The following ZGRF1 variants were observed in gnomAD, a reference collection of about 807,000 sequenced individuals.
ZGRF1 encodes zinc finger GRF-type containing 1.
A neutral mutation model predicts 203.5 loss-of-function variants in ZGRF1; 196 were observed. That is an observed-to-expected ratio of 0.96 (90% confidence interval 0.86 to 1.08). The LOEUF is 1.08. Among genes scored for constraint, ZGRF1 ranks in the 50% least tolerant of loss-of-function variants. The pLI is 0.00. For missense variants in ZGRF1, 2,326 were observed against 2,416.3 expected (o/e 0.96, Z 0.78); for synonymous variants, 809 against 841.3 (o/e 0.96, Z 0.66).
intron 16 of ZGRF1, among the ~76,000 whole-genome samples, chr4:112,570,148 T>C (rs1743942313): frequency 6.6e-6 from 1 of 152,228 alleles, no homozygotes; most frequent in Admixed American, 6.5e-5. Flanking sequence ...ATAGAAGATC[T>C]GGACAAGACA....
chr4:112,590,140 T>G (rs1201116795), intron 10 of ZGRF1, among the ~76,000 whole-genome samples: 1 of 152,180 alleles, frequency 6.6e-6, no homozygotes, highest in South Asian at 2.1e-4. Flanking sequence ...CTGGTCTGGG[T>G]TATTAGGCTT....
intron 16 of ZGRF1, among the ~76,000 whole-genome samples, chr4:112,575,660 C>T (rs1745055705): frequency 1.3e-5 from 2 of 152,176 alleles, no homozygotes; most frequent in Non-Finnish European, 1.5e-5. Context: ...GGTCCTACAC[C>T]CACGGAGCCT....
intron 16 of ZGRF1, among the ~76,000 whole-genome samples, chr4:112,575,108 G>T (rs1191791865): frequency 1.3e-5 from 2 of 151,480 alleles, no homozygotes; most frequent in Non-Finnish European, 2.9e-5. Flanking sequence ...GGGGTTCAAT[G>T]TTGCCAAATT....
chr4:112,633,081 G>A (rs2047464926), intron 2 of ZGRF1, 75 bp downstream of exon 2: 1 of 1,329,700 alleles, frequency 7.5e-7, no homozygotes, highest in Non-Finnish European at 1.1e-6. Flanking sequence ...ACAGCAAGAT[G>A]TTTGTGAAAC....
intron 6 of ZGRF1, among the ~76,000 whole-genome samples, chr4:112,615,608 AT>A (rs1408148911): frequency 2.7e-5 from 4 of 147,808 alleles, no homozygotes; most frequent in Non-Finnish European, 6.0e-5. Flanking sequence ...ATCTACTCAT[AT>A]TTATTTTTCA....
intron 16 of ZGRF1, among the ~76,000 whole-genome samples, chr4:112,576,923 G>C (rs571494736): frequency 6.6e-6 from 1 of 151,990 alleles, no homozygotes; most frequent in African/African-American, 2.4e-5. Flanking sequence ...AGGAAATACA[G>C]AGAATGCCAC....
chr4:112,564,187 G>A (rs776980308), intron 16 of ZGRF1, among the ~76,000 whole-genome samples: 8 of 152,178 alleles, frequency 5.3e-5, no homozygotes, highest in African/African-American at 1.2e-4. Context: ...AGCAAGCTGA[G>A]AAATAATCAC....
intron 10 of ZGRF1, among the ~76,000 whole-genome samples, chr4:112,594,775 C>G (rs1047294274): frequency 6.6e-6 from 1 of 151,924 alleles, no homozygotes; most frequent in Non-Finnish European, 1.5e-5. Flanking sequence ...TTTATCTTGT[C>G]TTCAGGTCCT....
At chr4:112,567,388 T>C (rs1184622903) in intron 16 of ZGRF1, among the ~76,000 whole-genome samples, 1 of 151,122 alleles carries the variant, frequency 6.6e-6, no homozygotes, top group Non-Finnish European at 1.5e-5. Flanking sequence ...TAGAATCATA[T>C]AGAAAAGGGA....
intron 10 of ZGRF1, among the ~76,000 whole-genome samples, chr4:112,597,777 G>A (rs767425233): frequency 5.3e-5 from 8 of 150,240 alleles, no homozygotes; most frequent in South Asian, 2.1e-4. Context: ...CCAGCTACTC[G>A]GGAGGCTGAG....
At chr4:112,612,868 T>C (rs2046737776) in intron 6 of ZGRF1, among the ~76,000 whole-genome samples, 1 of 152,190 alleles carries the variant, frequency 6.6e-6, no homozygotes, top group African/African-American at 2.4e-5. Context: ...ACTCCTTTTT[T>C]ACACTAATTA....
intron 10 of ZGRF1, among the ~76,000 whole-genome samples, chr4:112,598,170 C>T (rs1749355736): frequency 6.6e-6 from 1 of 152,044 alleles, no homozygotes; most frequent in African/African-American, 2.4e-5. Flanking sequence ...ACAGTGCATA[C>T]TGAAGCAGGC....
chr4:112,629,192 A>G (rs1578496988), intron 3 of ZGRF1, among the ~76,000 whole-genome samples: 2 of 152,342 alleles, frequency 1.3e-5, no homozygotes, highest in South Asian at 2.1e-4. Context: ...CATTGATATG[A>G]TAACTCCAGT....
rs139247135 is a variant in ZGRF1, at chr4:112,571,507, T to C, written c.4439-8233A>G. On this transcript the variant is annotated intron_variant, in intron 16 of 27. Coordinates refer to ENST00000505019, the MANE Select transcript of ZGRF1 (RefSeq NM_018392.5). ...CTTTATTATAAGATGTTACAAACAA[T>C]TTTTAAATAAACAGAGATACAGCAA... Among the ~76,000 whole-genome samples, 359 of 152,254 alleles carry C rather than the reference T, an allele frequency of 2.4e-3. 2 individuals are homozygous for C. Among genetic ancestry groups the C allele is most frequent in the South Asian group, 0.019 (90 of 4,826 alleles).
rs373451774 is a variant in ZGRF1 at position 112,547,392 on chromosome 4, G to C, written c.5491C>G (p.Leu1831Val). Residue 1831 changes from leucine to valine, a missense_variant, in exon 24 of 28, where the codon CTG becomes GTG. Physicochemically the swap from Leu to Val is conservative, Grantham distance 32 (BLOSUM62 1). Coordinates refer to ENST00000505019, the MANE Select transcript of ZGRF1 (RefSeq NM_018392.5). Reference sequence around the variant, plus strand: ...TGTTTGGGATCCCCAACAAGAATCAGCTTTTCACACTCAAACCTAAAACAG... The same window carrying C: ...TGTTTGGGATCCCCAACAAGAATCACCTTTTCACACTCAAACCTAAAACAG... ...LPIARFECEK[L>V]ILVGDPKQLP... The C allele has an allele frequency of 6.2e-7, 1 of 1,611,042 alleles. No homozygotes were observed. Among genetic ancestry groups the C allele is most frequent in the African/African-American group, 1.3e-5 (1 of 74,908 alleles).
chr4:112,618,793 C>T lies in ZGRF1; in HGVS notation c.1249G>A (p.Val417Ile). The T allele has an allele frequency of 1.2e-6, 2 of 1,612,478 alleles. No individual in the cohort carries two copies. Among genetic ancestry groups the T allele is most frequent in the Non-Finnish European group, 1.7e-6 (2 of 1,179,668 alleles). Residue 417 changes from valine (V) to isoleucine (I), a missense_variant, in exon 6 of 28, where the codon GTT becomes ATT. Coordinates refer to ENST00000505019, the MANE Select transcript of ZGRF1 (RefSeq NM_018392.5). Reference protein sequence around the residue: ...PSFNESSSLQVTCSSAENDGI... With the variant: ...PSFNESSSLQITCSSAENDGI... ...TCATTTTCTGCACTGCTACAAGTAACCTGTAAGCTACTGCTTTCATTGAAT... is the reference window on the plus strand; with the variant it reads ...TCATTTTCTGCACTGCTACAAGTAATCTGTAAGCTACTGCTTTCATTGAAT...
intron 9 of ZGRF1, among the ~76,000 whole-genome samples, chr4:112,604,780 C>T (rs1166519966): frequency 6.6e-6 from 1 of 152,142 alleles, no homozygotes; most frequent in African/African-American, 2.4e-5. Context: ...AAATGGCTTT[C>T]TCTGCTGCCC....
chr4:112,618,818 TGAAG>T lies in ZGRF1; in HGVS notation c.1220_1223del (p.Pro407HisfsTer55). On this transcript the variant is annotated frameshift_variant, in exon 6 of 28. Coordinates refer to ENST00000505019, the MANE Select transcript of ZGRF1 (RefSeq NM_018392.5). LOFTEE classifies it high-confidence loss of function. ...CCTGTAAGCTACTGCTTTCATTGAA[TGAAG>T]GAATTTCTAATTTTACTTCCTGATT... is the stretch of plus-strand genomic sequence containing the variant. The T allele has an allele frequency of 1.2e-6, 2 of 1,613,126 alleles. No individual in the cohort carries two copies. Among genetic ancestry groups the T allele is most frequent in the Non-Finnish European group, 1.7e-6 (2 of 1,179,760 alleles).
Position 112,541,220 on chromosome 4 carries a change from T to G in ZGRF1, c.5647A>C (p.Ile1883Leu). 1 of 1,609,916 alleles carries G rather than the reference T, an allele frequency of 6.2e-7. No individual in the cohort carries two copies. Among genetic ancestry groups the G allele is most frequent in the South Asian group, 1.1e-5 (1 of 90,332 alleles). ...AACAGATCATTAGCAATAGCACTGA[T>G]TGCAGGATGACAACGGTATTGAGTT... ...LRTQYRCHPA[I>L]SAIANDLFYK... is the part of the protein sequence containing the mutation. The change falls in exon 25 of 28, where the codon ATC becomes CTC. Residue 1883 changes from isoleucine to leucine, a missense_variant. Coordinates refer to ENST00000505019, the MANE Select transcript of ZGRF1 (RefSeq NM_018392.5).
Sources: allele counts gnomAD v4.1 joint callset (sites outside exome capture counted in the v4.1 genomes callset), GRCh38; gene constraint gnomAD v4.1.1; transcripts MANE v1.5; gene names NCBI Gene and HGNC (gene_info 2026-07-23, HGNC 2026-07-21).